The following SEMA3A variants were observed in gnomAD, a reference collection of about 807,000 sequenced individuals.
SEMA3A encodes semaphorin 3A, also known as semaphorin-3A.
SEMA3A carries 29 observed loss-of-function variants against 97.9 expected under a neutral mutation model. That is an observed-to-expected ratio of 0.30 (90% CI 0.22 to 0.40). The LOEUF (loss-of-function observed/expected upper bound fraction) is 0.40. Among genes scored for constraint, SEMA3A ranks in the 10% least tolerant of loss-of-function variants. The probability of loss-of-function intolerance (pLI) is 1.00; values close to 1 mark genes in which losing one functional copy is unlikely to be tolerated. For missense variants in SEMA3A, 763 were observed against 951.3 expected, an observed-to-expected ratio of 0.80 and a Z score of 2.60; for synonymous variants, 321 against 323.7, an observed-to-expected ratio of 0.99 and a Z score of 0.09.
intron 1 of SEMA3A, among the ~76,000 whole-genome samples, chr7:84,372,771 A>T (rs1276608911): frequency 5.3e-5 from 8 of 152,158 alleles, no homozygotes; most frequent in African/African-American, 1.9e-4. Context: ...GAACCAGAAT[A>T]TCTTTTCAAG....
chr7:84,224,285 A>T (rs2116342483), intron 3 of SEMA3A, among the ~76,000 whole-genome samples: 1 of 152,122 alleles, frequency 6.6e-6, no homozygotes, highest in Admixed American at 6.6e-5. Context: ...GGTCTAACTC[A>T]AAAGATATTG....
chr7:84,241,563 C>T (rs1799365170), intron 3 of SEMA3A, among the ~76,000 whole-genome samples: 1 of 152,106 alleles, frequency 6.6e-6, no homozygotes, highest in African/African-American at 2.4e-5. Flanking sequence ...GTTGCCTGCT[C>T]ACTCTGATGA....
At chr7:84,000,320 T>C (rs570618633) in intron 12 of SEMA3A, among the ~76,000 whole-genome samples, 2 of 152,216 alleles carry the variant, frequency 1.3e-5, no homozygotes, top group South Asian at 2.1e-4. Flanking sequence ...TTAGATCACA[T>C]TGATACTTTA....
At chr7:84,369,807 A>G (rs1287060262) in intron 2 of SEMA3A, among the ~76,000 whole-genome samples, 1 of 149,608 alleles carries the variant, frequency 6.7e-6, no homozygotes, top group African/African-American at 2.4e-5. Context: ...TGTATTAGTA[A>G]TTAGTAAATT....
At chr7:84,144,641 C>T (rs1437381789) in intron 1 of SEMA3A, among the ~76,000 whole-genome samples, 4 of 152,074 alleles carry the variant, frequency 2.6e-5, no homozygotes, top group Admixed American at 6.6e-5. Context: ...TATTTGCCCC[C>T]AAACAGAAAA....
At chr7:84,433,689 C>T (rs1038580799) in intron 1 of SEMA3A, among the ~76,000 whole-genome samples, 5 of 152,116 alleles carry the variant, frequency 3.3e-5, no homozygotes, top group African/African-American at 1.2e-4. Flanking sequence ...TTTACACTCC[C>T]ATCAACAGTG....
At chr7:84,258,394 T>C (rs941984587) in intron 3 of SEMA3A, among the ~76,000 whole-genome samples, 20 of 152,212 alleles carry the variant, frequency 1.3e-4, no homozygotes, top group Admixed American at 5.9e-4. Context: ...TAGGGAATTC[T>C]TTCCCACCAT....
intron 1 of SEMA3A, among the ~76,000 whole-genome samples, chr7:84,142,217 A>G (rs1796317091): frequency 6.6e-6 from 1 of 152,230 alleles, no homozygotes; most frequent in African/African-American, 2.4e-5. Context: ...TACTAAGTCA[A>G]CAAAAACACA....
intron 1 of SEMA3A, among the ~76,000 whole-genome samples, chr7:84,161,902 C>A (rs1253833579): frequency 1.3e-5 from 2 of 152,070 alleles, no homozygotes; most frequent in Admixed American, 1.3e-4. Flanking sequence ...TTTTCTAGCA[C>A]CTTGATATGA....
At chr7:84,262,667 TTATAGA>T (rs1293440481) in intron 3 of SEMA3A, among the ~76,000 whole-genome samples, 1 of 152,228 alleles carries the variant, frequency 6.6e-6, no homozygotes, top group African/African-American at 2.4e-5. Context: ...ATCTGTAAAC[TTATAGA>T]TATATGGGTG....
At chr7:84,488,109 C>T (rs1188352358) in intron 1 of SEMA3A, among the ~76,000 whole-genome samples, 1 of 151,694 alleles carries the variant, frequency 6.6e-6, no homozygotes, top group Non-Finnish European at 1.5e-5. Context: ...AAAGGATAAA[C>T]CTATAATATT....
intron 1 of SEMA3A, among the ~76,000 whole-genome samples, chr7:84,404,481 T>C (rs1804010921): frequency 6.6e-6 from 1 of 152,090 alleles, no homozygotes; most frequent in Admixed American, 6.6e-5. Context: ...CAGGATATTA[T>C]CCAGGAGAAC....
rs537535166 is a variant in SEMA3A at position 84,391,751 on chromosome 7, T to G, written c.-245-19851A>C. On this transcript the variant is annotated intron_variant, in intron 1 of 3. Coordinates refer to the SEMA3A transcript ENST00000424555. ...CTTTGGGAGGTCAAGGTGGGAAGAT[T>G]GCTGAGTCCAGGAGTTCAAGACCAG... 1.4e-4 allele frequency among the ~76,000 whole-genome samples: 21 copies of G among 152,114 alleles called. No individual in the cohort carries two copies. The East Asian group carries it at 2.3e-3, about 17-fold the overall frequency.
At chr7:84,297,007 C>G (rs757170048) in intron 3 of SEMA3A, among the ~76,000 whole-genome samples, 2 of 151,970 alleles carry the variant, frequency 1.3e-5, no homozygotes, top group Non-Finnish European at 2.9e-5. Flanking sequence ...GATGGAGTTT[C>G]GATCTTGTTG....
chr7:84,153,735 C>T (rs951326795), intron 1 of SEMA3A, among the ~76,000 whole-genome samples: 1 of 151,958 alleles, frequency 6.6e-6, no homozygotes, highest in Non-Finnish European at 1.5e-5. Context: ...CTTTTATTTC[C>T]ACTCTTGCTT....
intron 4 of SEMA3A, among the ~76,000 whole-genome samples, chr7:84,072,076 G>A (rs566694522): frequency 5.3e-5 from 8 of 151,876 alleles, no homozygotes; most frequent in Middle Eastern, 3.2e-3. Flanking sequence ...ACTCTTTAAC[G>A]TCTTGGTGGT....
chr7:84,198,921 G>C (rs115352251), upstream of SEMA3A, among the ~76,000 whole-genome samples: 1,073 of 152,240 alleles, frequency 7.0e-3, 14 homozygotes, highest in African/African-American at 0.025. Flanking sequence ...AAAGACCTCT[G>C]TAGTCATAGA....
At chr7:84,282,147 T>A (rs1800453269) in intron 3 of SEMA3A, among the ~76,000 whole-genome samples, 1 of 152,188 alleles carries the variant, frequency 6.6e-6, no homozygotes, top group African/African-American at 2.4e-5. Flanking sequence ...AACATCATCC[T>A]TTTTGGAACC....
chr7:84,055,597 C>A (rs2115656845), intron 5 of SEMA3A, among the ~76,000 whole-genome samples: 1 of 152,300 alleles, frequency 6.6e-6, no homozygotes, highest in East Asian at 1.9e-4. Flanking sequence ...GACCTGCGCC[C>A]ACTGTCTGGC....
Sources: gnomAD v4.1 joint callset for allele counts (sites outside exome capture counted in the v4.1 genomes callset) on GRCh38, gnomAD v4.1.1 for gene constraint, MANE v1.5 for transcripts, NCBI Gene and HGNC (gene_info 2026-07-23, HGNC 2026-07-21) for gene names.